MGAT5: variants seen among roughly 807,000 people sequenced by gnomAD.
The protein encoded by MGAT5 is alpha-1,6-mannosylglycoprotein 6-beta-N-acetylglucosaminyltransferase.
In MGAT5, 30 loss-of-function variants were observed where a neutral mutation model predicts 94.3. The ratio of observed to expected loss-of-function variants is 0.32; its 90% confidence interval spans 0.24 to 0.43. The LOEUF (loss-of-function observed/expected upper bound fraction) is 0.43. Ranked by LOEUF, MGAT5 falls within the 20% of genes least tolerant of loss-of-function variation. The pLI is 1.00. For missense variants in MGAT5, 691 were observed against 905.5 expected (o/e 0.76, Z 3.04); for synonymous variants, 310 against 322.9 (o/e 0.96, Z 0.43).
intron 2 of MGAT5, among the ~76,000 whole-genome samples, chr2:134,281,041 A>G (rs1684661433): frequency 6.6e-6 from 1 of 152,208 alleles, no homozygotes; most frequent in African/African-American, 2.4e-5. Context: ...GGCATCAGAC[A>G]TTTTTGAGCA....
chr2:134,304,957 G>T (rs1400618083), intron 2 of MGAT5, among the ~76,000 whole-genome samples: 5 of 152,104 alleles, frequency 3.3e-5, no homozygotes, highest in African/African-American at 9.7e-5. Context: ...ATGGCTTGTA[G>T]GTTTCATATC....
intron 15 of MGAT5, among the ~76,000 whole-genome samples, chr2:134,447,844 G>A (rs1483153863): frequency 6.6e-6 from 1 of 152,234 alleles, no homozygotes; most frequent in Admixed American, 6.5e-5. Flanking sequence ...CAGCTGTTGG[G>A]AGAAGATGGC....
At chr2:134,385,001 T>C (rs1487015780) in intron 10 of MGAT5, among the ~76,000 whole-genome samples, 1 of 152,184 alleles carries the variant, frequency 6.6e-6, no homozygotes, top group Non-Finnish European at 1.5e-5. Flanking sequence ...AGCATGTCCA[T>C]GGAAGAGCCA....
chr2:134,402,865 G>A (rs2106296486), intron 10 of MGAT5, 123 bp from the exon 11 acceptor site: 1 of 961,914 alleles, frequency 1.0e-6, no homozygotes, highest in South Asian at 2.4e-5. Flanking sequence ...CCAAATTCCT[G>A]TGATCTCCAT....
At chr2:134,273,207 G>A (rs1684145588) in intron 2 of MGAT5, among the ~76,000 whole-genome samples, 1 of 152,170 alleles carries the variant, frequency 6.6e-6, no homozygotes, top group African/African-American at 2.4e-5. Flanking sequence ...TAGAGTACCA[G>A]AAAGAAGGAC....
chr2:134,368,738 T>C (rs946101029), intron 10 of MGAT5, among the ~76,000 whole-genome samples: 2 of 152,192 alleles, frequency 1.3e-5, no homozygotes, highest in African/African-American at 4.8e-5. Context: ...AAATCCAGTC[T>C]GGGTAGTGTG....
intron 2 of MGAT5, among the ~76,000 whole-genome samples, chr2:134,271,966 G>A (rs1285380453): frequency 6.6e-6 from 1 of 152,216 alleles, no homozygotes; most frequent in Non-Finnish European, 1.5e-5. Flanking sequence ...ATTTCTGGAG[G>A]TGGGATGGAG....
chr2:134,355,795 C>T (rs1679696648), intron 9 of MGAT5, among the ~76,000 whole-genome samples: 2 of 152,110 alleles, frequency 1.3e-5, no homozygotes, highest in Admixed American at 6.5e-5. Flanking sequence ...AAAACATTGG[C>T]AGTGGTAAAT....
intron 13 of MGAT5, among the ~76,000 whole-genome samples, chr2:134,423,164 C>A (rs1684392317): frequency 6.6e-6 from 1 of 152,082 alleles, no homozygotes; most frequent in Admixed American, 6.5e-5. Flanking sequence ...ACCATGGATC[C>A]CAGGCACAGG....
chr2:134,234,290 C>T (rs1393937808), intron 1 of MGAT5, among the ~76,000 whole-genome samples: 1 of 152,180 alleles, frequency 6.6e-6, no homozygotes, highest in Non-Finnish European at 1.5e-5. Flanking sequence ...TTTGCAAGGG[C>T]ACCACCAGCA....
At chr2:134,377,019 C>G (rs1681226341) in intron 10 of MGAT5, among the ~76,000 whole-genome samples, 2 of 152,190 alleles carry the variant, frequency 1.3e-5, no homozygotes, top group Non-Finnish European at 2.9e-5. Flanking sequence ...TCCTAGCTCA[C>G]ATTGTTGACA....
Position 134,216,186 on chromosome 2 carries a change from T to G in MGAT5, c.-142-38076T>G, listed in dbSNP as rs150152768. Among the ~76,000 whole-genome samples the G allele has an allele frequency of 6.2e-4, 95 of 152,308 alleles. 1 individual carries two copies. The highest frequency in any genetic ancestry group is 2.1e-3 in the African/African-American group (86 of 41,572). ...TTTGTTGCAGTGAGATCAGCAGAAA[T>G]AAGGAACCAAGTCCAAATGAGGCGA... On this transcript the variant is annotated intron_variant, in intron 1 of 16. Coordinates refer to the MGAT5 transcript ENST00000409645.
intron 15 of MGAT5, 96 bp downstream of exon 15, chr2:134,442,011 C>A: frequency 7.2e-7 from 1 of 1,391,006 alleles, no homozygotes; most frequent in Non-Finnish European, 1.0e-6. Context: ...CTCTTCCAAG[C>A]TACTGGGCTG....
intron 4 of MGAT5, among the ~76,000 whole-genome samples, chr2:134,324,795 G>A (rs79093795): frequency 0.017 from 2,532 of 152,110 alleles, 138 homozygotes; most frequent in East Asian, 0.15. Flanking sequence ...ATTGTTGCCC[G>A]AGAATACCAA....
intron 11 of MGAT5, among the ~76,000 whole-genome samples, chr2:134,404,077 G>A (rs1683207555): frequency 6.6e-6 from 1 of 152,196 alleles, no homozygotes; most frequent in African/African-American, 2.4e-5. Flanking sequence ...ACTCCCTCAG[G>A]TTTATTAATA....
chr2:134,182,961 T>G (rs965658497), intron 1 of MGAT5, among the ~76,000 whole-genome samples: 1 of 151,834 alleles, frequency 6.6e-6, no homozygotes, highest in Admixed American at 6.6e-5. Flanking sequence ...TAATTTTGTT[T>G]TTGTATTTTT....
At chr2:134,129,333 T>C (rs1686006983) in intron 1 of MGAT5, among the ~76,000 whole-genome samples, 1 of 152,152 alleles carries the variant, frequency 6.6e-6, no homozygotes, top group African/African-American at 2.4e-5. Context: ...AGGATTGATG[T>C]GATTAGATTA....
chr2:134,436,472 G>A lies in MGAT5; in HGVS notation c.1870-5286G>A, dbSNP rs546529823. ...AGCTCCAGTGTTCAGCTGCAGGATT[G>A]AACTAAGCACACCTGTTGAGGGGGA... On this transcript the variant is annotated intron_variant, in intron 14 of 15. Coordinates refer to ENST00000281923, the MANE Select transcript of MGAT5 (RefSeq NM_002410.5). 5.2e-3 allele frequency among the ~76,000 whole-genome samples: 787 copies of A among 152,336 alleles called. 6 individuals are homozygous for A. The highest frequency in any genetic ancestry group is 0.017 in the Middle Eastern group (5 of 294).
rs1174007953 is a variant in MGAT5, at chr2:134,183,079, C to T, written c.-143+62788C>T. 3.3e-5 allele frequency among the ~76,000 whole-genome samples: 5 copies of T among 152,222 alleles called. No individual in the cohort carries two copies. In the South Asian group the frequency reaches 1.0e-3, roughly 32 times the overall value. ...TGCTGGGATTACAGGCGTGAGCCAC[C>T]GCACCTGGCCATAAGATTAATTTTT... On this transcript the variant is annotated intron_variant, in intron 1 of 16. Transcript: ENST00000409645.
Sources: gnomAD v4.1 joint callset for allele counts (sites outside exome capture counted in the v4.1 genomes callset) on GRCh38, gnomAD v4.1.1 for gene constraint, MANE v1.5 for transcripts, NCBI Gene and HGNC (gene_info 2026-07-23, HGNC 2026-07-21) for gene names.